RNMT: variants seen among roughly 807,000 people sequenced by gnomAD.
RNMT encodes the protein RNA guanine-7 methyltransferase.
Under a neutral mutation model 56.0 loss-of-function variants are expected in RNMT, and 27 were observed. The ratio of observed to expected loss-of-function variants is 0.48; its 90% CI spans 0.36 to 0.67. The LOEUF is 0.67. RNMT is among the 30% of genes least tolerant of loss of function. RNMT has a pLI of 0.00. For synonymous variants in RNMT, 184 were observed against 176.2 expected, an observed-to-expected ratio of 1.04 and a Z score of -0.35; for missense variants, 519 against 552.1, an observed-to-expected ratio of 0.94 and a Z score of 0.60.
Position 13,731,623 on chromosome 18 carries a change from A to T in RNMT, c.106A>T (p.Thr36Ser), listed in dbSNP as rs1247530781. 6.2e-7 allele frequency: 1 copy of T among 1,614,034 alleles called. No individual in the cohort carries two copies. The highest frequency in any genetic ancestry group is 8.5e-7 in the Non-Finnish European group (1 of 1,180,018). The change falls in exon 3 of 12, where the codon ACA becomes TCA. Residue 36 changes from threonine to serine, a missense_variant. By Grantham distance (58) the Thr-to-Ser change is moderately conservative (BLOSUM62 1). Transcript: ENST00000383314. ...GTCTTCATTCAATATTAATGAAAACACAACAGCTTCTGGGACTGGGCTTTC... is the reference window on the plus strand; with the variant it reads ...GTCTTCATTCAATATTAATGAAAACTCAACAGCTTCTGGGACTGGGCTTTC... ...TESSFNINEN[T>S]TASGTGLSEK...
At chr18:13,743,831 A>G (rs772162902) in intron 8 of RNMT, among the ~76,000 whole-genome samples, 1 of 151,966 alleles carries the variant, frequency 6.6e-6, no homozygotes, top group Non-Finnish European at 1.5e-5. Flanking sequence ...CAGGAGTTCT[A>G]TAATAGCTTA....
At chr18:13,742,427 A>G (rs2044266180) in intron 7 of RNMT, 61 bp from the exon 8 acceptor site, 10 of 1,503,754 alleles carry the variant, frequency 6.7e-6, no homozygotes, top group Admixed American at 3.7e-5. Context: ...TCTGATCAAA[A>G]TAAGTCTACA....
chr18:13,752,254 G>A, intron 9 of RNMT, 72 bp from the exon 10 acceptor site: 1 of 857,404 alleles, frequency 1.2e-6, no homozygotes, highest in Non-Finnish European at 2.0e-6. Flanking sequence ...TGTTATTTCA[G>A]TGATTTAGCA....
At chr18:13,757,070 T>C (rs1013667561) in intron 11 of RNMT, among the ~76,000 whole-genome samples, 2 of 152,228 alleles carry the variant, frequency 1.3e-5, no homozygotes, top group African/African-American at 2.4e-5. Context: ...ATAAAAGTTA[T>C]GTTTACTGTA....
chr18:13,745,915 A>G (rs2044344138), intron 8 of RNMT, among the ~76,000 whole-genome samples: 1 of 152,210 alleles, frequency 6.6e-6, no homozygotes, highest in South Asian at 2.1e-4. Flanking sequence ...GTAAAGTGAA[A>G]TGGAATCAGT....
At chr18:13,748,789 T>C (rs1057144965) in intron 9 of RNMT, among the ~76,000 whole-genome samples, 1 of 152,182 alleles carries the variant, frequency 6.6e-6, no homozygotes, top group African/African-American at 2.4e-5. Flanking sequence ...TATGTTTTAA[T>C]AAGTTTTGGT....
chr18:13,756,858 T>C (rs1212057919), intron 11 of RNMT, among the ~76,000 whole-genome samples: 1 of 152,214 alleles, frequency 6.6e-6, no homozygotes. Flanking sequence ...TGATCTTGAC[T>C]CACTGTTGAG....
chr18:13,760,348 T>C lies in RNMT; in HGVS notation c.*369T>C, dbSNP rs746756055. 537 of 1,008,504 alleles carry C rather than the reference T, an allele frequency of 5.3e-4. No homozygotes were observed. Among genetic ancestry groups the C allele is most frequent in the Non-Finnish European group, 6.1e-4 (514 of 844,478 alleles). 62.5% of individuals were successfully genotyped at this position (1,008,504 alleles called of 1,614,324 possible). ...TACAGTATTCAATTTATTGCAGTTA[T>C]AGAATTGGTCAGAGAGCATTTTCAT... On this transcript the variant is annotated 3_prime_UTR_variant, in exon 12 of 12. Coordinates refer to ENST00000383314, the MANE Select transcript of RNMT (RefSeq NM_003799.3).
intron 5 of RNMT, among the ~76,000 whole-genome samples, chr18:13,737,418 C>G (rs1261068740): frequency 6.6e-6 from 1 of 151,982 alleles, no homozygotes; most frequent in Non-Finnish European, 1.5e-5. Context: ...TGGTGCACAC[C>G]TGTAATCTCA....
intron 3 of RNMT, 59 bp downstream of exon 3, chr18:13,731,993 C>G: frequency 7.4e-7 from 1 of 1,359,882 alleles, no homozygotes; most frequent in South Asian, 1.4e-5. Context: ...AAATGTGGAA[C>G]ACCCGTGGAT....
At chr18:13,731,263 C>G (rs2044061795) in intron 2 of RNMT, among the ~76,000 whole-genome samples, 1 of 152,130 alleles carries the variant, frequency 6.6e-6, no homozygotes, top group African/African-American at 2.4e-5. Context: ...AAAAAATTAG[C>G]CAGGCGTGGT....
chr18:13,747,170 T>C (rs2044365410), intron 9 of RNMT, among the ~76,000 whole-genome samples: 1 of 152,174 alleles, frequency 6.6e-6, no homozygotes, highest in African/African-American at 2.4e-5. Context: ...TCCTTATAAT[T>C]ACCTCCATGA....
intron 10 of RNMT, 72 bp downstream of exon 10, chr18:13,752,499 A>G: frequency 2.2e-6 from 2 of 925,566 alleles, no homozygotes; most frequent in South Asian, 2.9e-5. Context: ...GACATAGGAA[A>G]TGATTTCACT....
At chr18:13,735,574 G>C (rs2044145127) in intron 4 of RNMT, among the ~76,000 whole-genome samples, 1 of 146,980 alleles carries the variant, frequency 6.8e-6, no homozygotes, top group Admixed American at 6.9e-5. Context: ...CTCTACCCCA[G>C]TCCTAATTTC....
At chr18:13,736,157 G>A (rs2044154820) in intron 4 of RNMT, among the ~76,000 whole-genome samples, 1 of 152,098 alleles carries the variant, frequency 6.6e-6, no homozygotes, top group South Asian at 2.1e-4. Flanking sequence ...TAAATATTAT[G>A]GAACATTTGT....
intron 9 of RNMT, among the ~76,000 whole-genome samples, chr18:13,747,316 G>A (rs950068929): frequency 6.6e-6 from 1 of 151,568 alleles, no homozygotes; most frequent in Non-Finnish European, 1.5e-5. Context: ...TCACCTTCTG[G>A]AAGGTGATCC....
At chr18:13,730,566 AT>A (rs2044049757) in intron 1 of RNMT, 60 bp from the exon 2 acceptor site, 1 of 152,246 alleles carries the variant, frequency 6.6e-6, no homozygotes, top group African/African-American at 2.4e-5. Flanking sequence ...ACACACATAA[AT>A]TGGGGGGAAA....
At chr18:13,728,736 A>T (rs2044018146) in intron 1 of RNMT, among the ~76,000 whole-genome samples, 1 of 151,814 alleles carries the variant, frequency 6.6e-6, no homozygotes. Flanking sequence ...GATATTACTG[A>T]TATTGAGCAT....
At chr18:13,752,204 G>A in intron 9 of RNMT, 122 bp from the exon 10 acceptor site, 1 of 622,938 alleles carries the variant, frequency 1.6e-6, no homozygotes. Flanking sequence ...TGTATAGTTT[G>A]TATTCCTGAA....
Sources: gnomAD v4.1 joint callset for allele counts (sites outside exome capture counted in the v4.1 genomes callset) on GRCh38, gnomAD v4.1.1 for gene constraint, MANE v1.5 for transcripts, NCBI Gene and HGNC (gene_info 2026-07-23, HGNC 2026-07-21) for gene names.